Variants in EPHB3 observed in about 807,000 individuals in gnomAD.
EPHB3 encodes the protein ephrin type-B receptor 3.
A neutral mutation model predicts 100.2 loss-of-function variants in EPHB3; 33 were observed. The ratio of observed to expected loss-of-function variants is 0.33; its 90% CI spans 0.25 to 0.44. The LOEUF (loss-of-function observed/expected upper bound fraction) is 0.44, where lower values mean the gene tolerates loss of function less well. EPHB3 is among the 20% of genes least tolerant of loss of function. The pLI is 1.00. For missense variants in EPHB3, 1,045 were observed against 1,378.3 expected (o/e 0.76, Z 3.83); for synonymous variants, 526 against 554.7 (o/e 0.95, Z 0.73).
Position 184,579,359 on chromosome 3 carries a change from G to C in EPHB3, c.1802-118G>C. The C allele has an allele frequency of 6.8e-7, 1 of 1,463,266 alleles. No individual in the cohort carries two copies. Among genetic ancestry groups the C allele is most frequent in the Non-Finnish European group, 9.2e-7 (1 of 1,084,548 alleles). The allele number at this position is 1,463,266 out of a possible 1,614,324, so 90.6% of individuals were successfully genotyped here. On this transcript the variant is annotated intron_variant, in intron 9 of 15. Transcript: ENST00000330394. The surrounding 1 kb of genome is among the most constrained non-coding windows in gnomAD (Gnocchi z 5.2). Reference sequence around the variant, plus strand: ...GTTCTCATGGGAGCTGGAGGATTAGGGCAGCAACACAGAGGAATATGGGGC... The same window carrying C: ...GTTCTCATGGGAGCTGGAGGATTAGCGCAGCAACACAGAGGAATATGGGGC...
chr3:184,568,594 C>CG (rs1364034863), intron 1 of EPHB3, among the ~76,000 whole-genome samples: 2 of 97,328 alleles, frequency 2.1e-5, no homozygotes, highest in Admixed American at 8.6e-5. Context: ...GTTCTATGAC[C>CG]CCCCCCCCAC....
rs143538254 is a variant in EPHB3, at chr3:184,580,316, C to G, written c.2173-86C>G. On this transcript the variant is annotated intron_variant, in intron 11 of 15. Coordinates refer to ENST00000330394, the MANE Select transcript of EPHB3 (RefSeq NM_004443.4). ...GGTTGCAGGAGAGACGAGGTAGAGT[C>G]TGAGTACTCGGAGAGGGAAGGCAGG... is the stretch of plus-strand genomic sequence containing the variant. The G allele has an allele frequency of 4.4e-3, 6,800 of 1,545,252 alleles. 25 individuals carry two copies. Among genetic ancestry groups the G allele is most frequent in the Non-Finnish European group, 5.5e-3 (6,163 of 1,122,742 alleles).
At chr3:184,566,579 T>C (rs1340350045) in intron 1 of EPHB3, among the ~76,000 whole-genome samples, 1 of 151,986 alleles carries the variant, frequency 6.6e-6, no homozygotes, top group Non-Finnish European at 1.5e-5. Context: ...CACACGTGTG[T>C]ACACATCCTG....
chr3:184,572,041 G>T lies in EPHB3; in HGVS notation c.184-463G>T, dbSNP rs1277298383. On this transcript the variant is annotated intron_variant, in intron 2 of 15. Coordinates refer to ENST00000330394, the MANE Select transcript of EPHB3 (RefSeq NM_004443.4). This position sits in a 1 kb window ranked among gnomAD's most constrained non-coding sequence, Gnocchi z 6.6. ...TGTTGTGAAGATTGAATGCGATGTTGATAGTGACAGCCAGTAGCCCGGAAG... is the reference window on the plus strand; with the variant it reads ...TGTTGTGAAGATTGAATGCGATGTTTATAGTGACAGCCAGTAGCCCGGAAG... Among the ~76,000 whole-genome samples, 2 of 152,208 alleles carry T rather than the reference G, an allele frequency of 1.3e-5. No homozygotes were observed.
Position 184,577,078 on chromosome 3 carries a change from G to A in EPHB3, c.1249G>A (p.Ala417Thr). The A allele has an allele frequency of 6.2e-7, 1 of 1,613,570 alleles. No homozygotes were observed. Among genetic ancestry groups the A allele is most frequent in the South Asian group, 1.1e-5 (1 of 91,086 alleles). Reference sequence around the variant, plus strand: ...CCGGGTCCACATCAGCCATCTGCTGGCCCACACGCGCTACACCTTTGAGGT... The same window carrying A: ...CCGGGTCCACATCAGCCATCTGCTGACCCACACGCGCTACACCTTTGAGGT... ...ERRVHISHLL[A>T]HTRYTFEVQA... Residue 417 changes from alanine to threonine, a missense_variant, in exon 5 of 16, where the codon GCC becomes ACC. Around this residue, in one of 2 missense-constraint regions of EPHB3, gnomAD observed 985 missense variants for 1,331.1 expected, o/e 0.74. Coordinates refer to ENST00000330394, the MANE Select transcript of EPHB3 (RefSeq NM_004443.4). The surrounding 1 kb of genome is among the most constrained non-coding windows in gnomAD (Gnocchi z 4.9).
rs997214122 is a variant in EPHB3, at chr3:184,568,587, C to G, written c.119-2731C>G. 1.2e-3 allele frequency among the ~76,000 whole-genome samples: 174 copies of G among 144,400 alleles called. 2 individuals are homozygous for G. The highest frequency in any genetic ancestry group is 4.2e-3 in the African/African-American group (166 of 39,778). 94.7% of individuals were successfully genotyped at this position (144,400 alleles called of 152,430 possible). ...TCCCAATACCACGGACAGATGGGTT[C>G]TATGACCCCCCCCCCACATCCCCCT... On this transcript the variant is annotated intron_variant, in intron 1 of 15. Coordinates refer to ENST00000330394, the MANE Select transcript of EPHB3 (RefSeq NM_004443.4).
chr3:184,573,022 G>A lies in EPHB3; in HGVS notation c.702G>A (p.Leu234=), dbSNP rs530187712. ...TCACTGGGGCGGAGCCCACCTCGCT[G>A]GTCATTGCTCCTGGCACCTGCATCC... The part of the protein sequence containing the change: ...ETLTGAEPTS[L]VIAPGTCIPN... Residue 234 remains leucine, a synonymous_variant, in exon 3 of 16, where the codon CTG becomes CTA. Coordinates refer to ENST00000330394, the MANE Select transcript of EPHB3 (RefSeq NM_004443.4). This position sits in a 1 kb window ranked among gnomAD's most constrained non-coding sequence, Gnocchi z 4.5. 2 of 1,613,024 alleles carry A rather than the reference G, an allele frequency of 1.2e-6. No individual in the cohort carries two copies. Among genetic ancestry groups the A allele is most frequent in the South Asian group, 2.2e-5 (2 of 91,050 alleles).
rs1448013929 is a variant in EPHB3, at chr3:184,569,470, C to G, written c.119-1848C>G. Among the ~76,000 whole-genome samples, 1 of 152,090 alleles carries G rather than the reference C, an allele frequency of 6.6e-6. No homozygotes were observed. The highest frequency in any genetic ancestry group is 1.5e-5 in the Non-Finnish European group (1 of 67,994). ...CAGCTCCAGTCGCTGCCCCGCCCGC[C>G]TCCCTCCCCGCCTGTCTCTGTGGGC... is the stretch of plus-strand genomic sequence containing the variant. On this transcript the variant is annotated intron_variant, in intron 1 of 15. Coordinates refer to ENST00000330394, the MANE Select transcript of EPHB3 (RefSeq NM_004443.4). The surrounding 1 kb of genome is among the most constrained non-coding windows in gnomAD (Gnocchi z 5.4).
rs1156449323 is a variant in EPHB3 at position 184,577,793 on chromosome 3, G to A, written c.1615G>A (p.Glu539Lys). ...AGYGQYSRPAEFETTSERGSG... is the reference protein window; with the variant it reads ...AGYGQYSRPAKFETTSERGSG... Reference sequence around the variant, plus strand: ...CTATGGGCAGTACAGCCGCCCTGCCGAGTTTGAGACCACAAGTGAGAGAGG... The same window carrying A: ...CTATGGGCAGTACAGCCGCCCTGCCAAGTTTGAGACCACAAGTGAGAGAGG... Residue 539 changes from glutamate to lysine, a missense_variant, in exon 7 of 16, where the codon GAG becomes AAG. Around this residue, in one of 2 missense-constraint regions of EPHB3, gnomAD observed 985 missense variants for 1,331.1 expected, o/e 0.74. Transcript: ENST00000330394. The surrounding 1 kb of genome is among the most constrained non-coding windows in gnomAD (Gnocchi z 4.9). 5 of 1,606,626 alleles carry A rather than the reference G, an allele frequency of 3.1e-6. No homozygotes were observed. Among genetic ancestry groups the A allele is most frequent in the Non-Finnish European group, 3.4e-6 (4 of 1,174,728 alleles).
Position 184,577,477 on chromosome 3 carries a change from T to A in EPHB3, c.1479+10T>A. The A allele has an allele frequency of 6.2e-7, 1 of 1,613,762 alleles. No individual in the cohort carries two copies. The highest frequency in any genetic ancestry group is 8.5e-7 in the Non-Finnish European group (1 of 1,179,896). On this transcript the variant is annotated intron_variant, in intron 6 of 15. Coordinates refer to ENST00000330394, the MANE Select transcript of EPHB3 (RefSeq NM_004443.4). This position sits in a 1 kb window ranked among gnomAD's most constrained non-coding sequence, Gnocchi z 4.9. ...GAAGTACTTTGAGAAGGTCAGAACC[T>A]CAAGGGGCAGGAGGAGGCCTTGGGC...
Position 184,575,969 on chromosome 3 carries a change from G to C in EPHB3, c.996G>C (p.Ala332=), listed in dbSNP as rs150541786. 3 of 1,612,682 alleles carry C rather than the reference G, an allele frequency of 1.9e-6. No homozygotes were observed. Among genetic ancestry groups the C allele is most frequent in the African/African-American group, 1.3e-5 (1 of 74,862 alleles). ...NNFYRADSDS[A]DSACTTVPSP... ...TCTACCGTGCAGACTCGGACTCTGC[G>C]GACAGTGCCTGTACCAGTGAGTGAA... The change falls in exon 4 of 16, where the codon GCG becomes GCC. Residue 332 remains alanine (A), a synonymous_variant. Coordinates refer to ENST00000330394, the MANE Select transcript of EPHB3 (RefSeq NM_004443.4).
chr3:184,578,420 G>T lies in EPHB3; in HGVS notation c.1755G>T (p.Gln585His). 1 of 1,613,818 alleles carries T rather than the reference G, an allele frequency of 6.2e-7. No homozygotes were observed. Among genetic ancestry groups the T allele is most frequent in the Middle Eastern group, 1.6e-4 (1 of 6,062 alleles). The change falls in exon 9 of 16, where the codon CAG becomes CAT. Residue 585 changes from glutamine (Q) to histidine (H), a missense_variant. Gln to His is a conservative substitution (Grantham distance 24). Transcript: ENST00000330394. The surrounding 1 kb of genome is among the most constrained non-coding windows in gnomAD (Gnocchi z 4.7). ...VVIAIVCLRK[Q>H]RHGSDSEYTE... ...CCACCCTGCCACCCTACAGGAAGCAGCGACACGGCTCTGATTCGGAGTACA... is the reference window on the plus strand; with the variant it reads ...CCACCCTGCCACCCTACAGGAAGCATCGACACGGCTCTGATTCGGAGTACA...
Position 184,573,138 on chromosome 3 carries a change from C to T in EPHB3, c.818C>T (p.Thr273Ile). 1 of 1,612,656 alleles carries T rather than the reference C, an allele frequency of 6.2e-7. No individual in the cohort carries two copies. Residue 273 changes from threonine to isoleucine, a missense_variant, in exon 3 of 16, where the codon ACC becomes ATC. Thr to Ile is a moderately conservative substitution (Grantham distance 89). Coordinates refer to ENST00000330394, the MANE Select transcript of EPHB3 (RefSeq NM_004443.4). This position sits in a 1 kb window ranked among gnomAD's most constrained non-coding sequence, Gnocchi z 4.5. ...MVPVGACTCA[T>I]GHEPAAKESQ... ...CCTGTGGGTGCCTGCACCTGTGCCA[C>T]CGGCCATGAGCCAGCTGCCAAGGAG...
intron 1 of EPHB3, among the ~76,000 whole-genome samples, chr3:184,568,603 A>ACCCCCCCCCCCC (rs1560054857): frequency 1.6e-5 from 1 of 62,034 alleles, no homozygotes. Flanking sequence ...CCCCCCCCCC[A>ACCCCCCCCCCCC]CATCCCCCTC....
chr3:184,578,169 CTG>C lies in EPHB3; in HGVS notation c.1748+167_1748+168del. On this transcript the variant is annotated intron_variant, in intron 8 of 15. Coordinates refer to ENST00000330394, the MANE Select transcript of EPHB3 (RefSeq NM_004443.4). The surrounding 1 kb of genome is among the most constrained non-coding windows in gnomAD (Gnocchi z 4.7). ...TGGAGAAGCCCTCTCCCATCCCTGC[CTG>C]TGTCTTCATCCCGCCCTTTCTCCAT... The C allele has an allele frequency of 1.1e-6, 1 of 888,374 alleles. No individual in the cohort carries two copies. The highest frequency in any genetic ancestry group is 1.7e-5 in the South Asian group (1 of 57,158). The allele number at this position is 888,374 out of a possible 1,614,324, so 55.0% of individuals were successfully genotyped here. A position where few individuals can be genotyped will look rare whatever the true frequency, so the allele number is the denominator to read the frequency against.
rs777849121 is a variant in EPHB3 at position 184,580,634 on chromosome 3, GGA to G, written c.2388+19_2388+20del. On this transcript the variant is annotated intron_variant, in intron 12 of 15. Transcript: ENST00000330394. ...AGTTCCCTGGTACAGGAAGCCGCTGGGAGGGAGACTGGGGGCGGGGCCTATCA... is the reference window on the plus strand; with the variant it reads ...AGTTCCCTGGTACAGGAAGCCGCTGGGGGAGACTGGGGGCGGGGCCTATCA... 1 of 1,611,608 alleles carries G rather than the reference GGA, an allele frequency of 6.2e-7. No individual in the cohort carries two copies. The highest frequency in any genetic ancestry group is 8.5e-7 in the Non-Finnish European group (1 of 1,178,050).
chr3:184,566,541 C>T (rs1328559500), intron 1 of EPHB3, among the ~76,000 whole-genome samples: 3 of 152,224 alleles, frequency 2.0e-5, no homozygotes, highest in East Asian at 1.9e-4. Context: ...TTGATCCTCA[C>T]GCTGACCTCC....
rs148285341 is a variant in EPHB3, at chr3:184,563,712, G to A, written c.118+1359G>A. Reference sequence around the variant, plus strand: ...TCACCCACATGTGTGTGATAGGATCGCAGGCGTGAGAACCCAGTGTGGGGC... The same window carrying A: ...TCACCCACATGTGTGTGATAGGATCACAGGCGTGAGAACCCAGTGTGGGGC... On this transcript the variant is annotated intron_variant, in intron 1 of 15. Transcript: ENST00000330394. The surrounding 1 kb of genome is among the most constrained non-coding windows in gnomAD (Gnocchi z 4.1). Among the ~76,000 whole-genome samples, 4 of 152,324 alleles carry A rather than the reference G, an allele frequency of 2.6e-5. No individual in the cohort carries two copies. The highest frequency in any genetic ancestry group is 3.9e-4 in the East Asian group (2 of 5,170).
rs1431408690 is a variant in EPHB3, at chr3:184,576,930, C to A, written c.1101C>A (p.Gly367=). 1 of 1,601,598 alleles carries A rather than the reference C, an allele frequency of 6.2e-7. No individual in the cohort carries two copies. The highest frequency in any genetic ancestry group is 1.7e-5 in the Admixed American group (1 of 59,408). Residue 367 remains glycine, a synonymous_variant, in exon 5 of 16, where the codon GGC becomes GGA. Transcript: ENST00000330394. ...LEWSEPRDLG[G]RDDLLYNVIC... is the part of the protein sequence containing the mutation. ...GGAGTGAGCCCCGGGACCTGGGTGG[C>A]CGGGATGACCTCCTGTACAATGTCA...
Sources: allele counts gnomAD v4.1 joint callset (sites outside exome capture counted in the v4.1 genomes callset), GRCh38; gene constraint gnomAD v4.1.1; regional missense constraint gnomAD v4.1.1; non-coding constraint Gnocchi (gnomAD v3.1); transcripts MANE v1.5; gene names NCBI Gene and HGNC (gene_info 2026-07-23, HGNC 2026-07-21).